PSMA6: variants seen among roughly 807,000 people sequenced by gnomAD.
The protein encoded by PSMA6 is proteasome subunit alpha type-6.
For missense variants in PSMA6, 170 were observed against 294.8 expected, an observed-to-expected ratio of 0.58 and a Z score of 3.10; for synonymous variants, 88 against 97.7, an observed-to-expected ratio of 0.90 and a Z score of 0.59.
upstream of PSMA6, among the ~76,000 whole-genome samples, chr14:35,292,015 TAA>T (rs2051491138): frequency 6.6e-6 from 1 of 151,888 alleles, no homozygotes; most frequent in African/African-American, 2.4e-5. Context: ...AAGTGGAGGA[TAA>T]AAGAGGTTAG....
At chr14:35,291,523 G>A (rs924893943), upstream of PSMA6, among the ~76,000 whole-genome samples, 1 of 148,736 alleles carries the variant, frequency 6.7e-6, no homozygotes, top group African/African-American at 2.5e-5. Context: ...CCCGGCCTCC[G>A]CTTTCAAGAC....
At chr14:35,305,709 T>C (rs1419617119) in intron 1 of PSMA6, among the ~76,000 whole-genome samples, 1 of 152,166 alleles carries the variant, frequency 6.6e-6, no homozygotes, top group African/African-American at 2.4e-5. Context: ...TAAATAATGA[T>C]TGGGATTATG....
intron 1 of PSMA6, chr14:35,292,990 A>G (rs1041071500): frequency 5.9e-5 from 27 of 459,394 alleles, no homozygotes; most frequent in African/African-American, 4.8e-4. Context: ...AGGCACTCGA[A>G]GCCTGCTATA....
At chr14:35,290,332 A>T (rs2051463873), upstream of PSMA6, among the ~76,000 whole-genome samples, 1 of 152,138 alleles carries the variant, frequency 6.6e-6, no homozygotes, top group African/African-American at 2.4e-5. Flanking sequence ...AGAGTCTGAG[A>T]AGACAAAAGT....
At chr14:35,302,556 A>G (rs1456987028) in intron 1 of PSMA6, among the ~76,000 whole-genome samples, 1 of 151,820 alleles carries the variant, frequency 6.6e-6, no homozygotes. Context: ...CTTTAATCTG[A>G]AATTTTTTTG....
rs887483125 is a variant in PSMA6 at position 35,305,023 on chromosome 14, A to G, written c.77-2971A>G. 4.6e-5 allele frequency among the ~76,000 whole-genome samples: 7 copies of G among 152,304 alleles called. No individual in the cohort carries two copies. In the East Asian group the frequency reaches 9.6e-4, roughly 21 times the overall value. The stretch of plus-strand genomic sequence containing the variant: ...CAGAAGTTTGAGGCTGTGGTGAGCT[A>G]TGATTGTGCCACTGCACTCAGCCTG... On this transcript the variant is annotated intron_variant, in intron 1 of 6. Coordinates refer to ENST00000261479, the MANE Select transcript of PSMA6 (RefSeq NM_002791.3).
intron 4 of PSMA6, 116 bp downstream of exon 4, chr14:35,311,011 T>C (rs2138751657): frequency 1.0e-6 from 1 of 987,716 alleles, no homozygotes; most frequent in Middle Eastern, 3.2e-4. Context: ...GGAAAATACA[T>C]AGAGTGGGAA....
chr14:35,299,893 A>C (rs1438963228), intron 1 of PSMA6, among the ~76,000 whole-genome samples: 3 of 152,214 alleles, frequency 2.0e-5, no homozygotes, highest in Non-Finnish European at 2.9e-5. Flanking sequence ...AAGGTATTAC[A>C]GGAAGTGACT....
At chr14:35,303,123 A>G (rs1441740607) in intron 1 of PSMA6, among the ~76,000 whole-genome samples, 1 of 152,150 alleles carries the variant, frequency 6.6e-6, no homozygotes, top group Non-Finnish European at 1.5e-5. Flanking sequence ...ACATTTATGA[A>G]TGTTATTTTA....
At chr14:35,289,915 C>CAAAAA (rs750610944), upstream of PSMA6, among the ~76,000 whole-genome samples, 4 of 79,636 alleles carry the variant, frequency 5.0e-5, no homozygotes, top group African/African-American at 1.0e-4. Context: ...TACCGCATTT[C>CAAAAA]AAAAAAAAAA....
chr14:35,280,130 CA>C (rs1258960847), intron 1 of PSMA6, among the ~76,000 whole-genome samples: 254 of 112,174 alleles, frequency 2.3e-3, no homozygotes, highest in Middle Eastern at 6.3e-3. Flanking sequence ...GACTCCGTCT[CA>C]AAAAAAAAAA....
At chr14:35,283,289 G>A (rs535128679) in intron 1 of PSMA6, among the ~76,000 whole-genome samples, 1 of 151,482 alleles carries the variant, frequency 6.6e-6, no homozygotes, top group South Asian at 2.1e-4. Context: ...CACTTCGGGA[G>A]GCTGAGGTGG....
At chr14:35,307,083 G>A (rs1490240108) in intron 1 of PSMA6, among the ~76,000 whole-genome samples, 1 of 152,162 alleles carries the variant, frequency 6.6e-6, no homozygotes, top group African/African-American at 2.4e-5. Context: ...GGGAAGCGGA[G>A]GTTGTAGTAA....
intron 5 of PSMA6, 185 bp downstream of exon 5, chr14:35,313,244 T>G (rs1223575105): frequency 1.9e-6 from 1 of 532,110 alleles, no homozygotes; most frequent in African/African-American, 2.0e-5. Flanking sequence ...CTTAATTCCT[T>G]ATTTCGTAAT....
chr14:35,316,299 T>A (rs1205417680), intron 6 of PSMA6: 1 of 150,658 alleles, frequency 6.6e-6, no homozygotes, highest in Non-Finnish European at 1.5e-5. Context: ...GGCAGGAGAA[T>A]TGCTTGAGCC....
At chr14:35,279,959 C>T (rs983835476) in intron 1 of PSMA6, among the ~76,000 whole-genome samples, 1 of 150,990 alleles carries the variant, frequency 6.6e-6, no homozygotes, top group African/African-American at 2.4e-5. Flanking sequence ...CCCGTCTCTA[C>T]TAAAAACACA....
chr14:35,293,115 A>AT (rs1340596963), intron 1 of PSMA6: 12 of 431,904 alleles, frequency 2.8e-5, no homozygotes, highest in African/African-American at 2.2e-4. Flanking sequence ...AAAAAATTAA[A>AT]AGTGCCAATT....
intron 1 of PSMA6, among the ~76,000 whole-genome samples, chr14:35,282,303 T>G (rs2051373941): frequency 6.6e-6 from 1 of 152,200 alleles, no homozygotes; most frequent in Non-Finnish European, 1.5e-5. Context: ...AGTGTGATCA[T>G]GACTCACTGC....
chr14:35,317,157 G>C (rs1397553316), intron 6 of PSMA6, 92 bp from the exon 7 acceptor site: 2 of 884,896 alleles, frequency 2.3e-6, no homozygotes, highest in East Asian at 4.8e-5. Context: ...AGGTTGATAG[G>C]TATATGGGAG....
Sources: allele counts gnomAD v4.1 joint callset (sites outside exome capture counted in the v4.1 genomes callset), GRCh38; gene constraint gnomAD v4.1.1; transcripts MANE v1.5; gene names NCBI Gene and HGNC (gene_info 2026-07-23, HGNC 2026-07-21).